DPYD: variants seen among roughly 807,000 people sequenced by gnomAD.
The protein encoded by DPYD is dihydropyrimidine dehydrogenase.
Under a neutral mutation model 116.2 loss-of-function variants are expected in DPYD, and 109 were observed. The ratio of observed to expected loss-of-function variants is 0.94; its 90% CI spans 0.80 to 1.10. The LOEUF is 1.10. Among genes scored for constraint, DPYD ranks in the 50% least tolerant of loss-of-function variants. The pLI is 0.00. For missense variants in DPYD, 1,302 were observed against 1,254.5 expected, an observed-to-expected ratio of 1.04 and a Z score of -0.57; for synonymous variants, 440 against 432.0, an observed-to-expected ratio of 1.02 and a Z score of -0.23.
chr1:97,778,575 T>C (rs966668401), intron 3 of DPYD, among the ~76,000 whole-genome samples: 14 of 152,180 alleles, frequency 9.2e-5, no homozygotes, highest in Non-Finnish European at 1.6e-4. Context: ...GTCAAAGTTA[T>C]AACTATTACA....
At chr1:97,776,168 TTTC>T (rs1365732528) in intron 3 of DPYD, among the ~76,000 whole-genome samples, 3 of 151,694 alleles carry the variant, frequency 2.0e-5, no homozygotes, top group African/African-American at 4.9e-5. Context: ...GCTGATCAAA[TTTC>T]TTTTTTCACC....
intron 14 of DPYD, among the ~76,000 whole-genome samples, chr1:97,395,729 A>G (rs1319532591): frequency 1.3e-5 from 2 of 152,008 alleles, no homozygotes; most frequent in South Asian, 2.1e-4. Context: ...ACTTGTTTTA[A>G]TCAGTAGAAC....
chr1:97,541,381 G>T (rs749637740), intron 12 of DPYD, among the ~76,000 whole-genome samples: 3 of 152,046 alleles, frequency 2.0e-5, no homozygotes, highest in African/African-American at 7.2e-5. Flanking sequence ...ATTAGGTGTT[G>T]GTCAAACCAC....
intron 12 of DPYD, chr1:97,545,737 AG>A: frequency 6.9e-7 from 1 of 1,454,132 alleles, no homozygotes; most frequent in Non-Finnish European, 9.6e-7. Flanking sequence ...CCGTGAAGAA[AG>A]GGAATTTCGT....
chr1:97,504,830 T>A (rs1343500173), intron 13 of DPYD, among the ~76,000 whole-genome samples: 1 of 150,676 alleles, frequency 6.6e-6, no homozygotes, highest in Non-Finnish European at 1.5e-5. Context: ...GCAGGTTCCC[T>A]TTGCAGGGCC....
intron 5 of DPYD, 39 bp from the exon 6 acceptor site, chr1:97,699,586 C>G (rs895039138): frequency 1.9e-6 from 3 of 1,578,918 alleles, no homozygotes; most frequent in African/African-American, 2.7e-5. Flanking sequence ...AATTTTGAAA[C>G]TAGCTTACAT....
intron 20 of DPYD, among the ~76,000 whole-genome samples, chr1:97,131,668 C>A (rs1213576789): frequency 6.6e-6 from 1 of 152,092 alleles, no homozygotes; most frequent in Non-Finnish European, 1.5e-5. Context: ...CGTCAGTCTT[C>A]ATGACCTGAT....
chr1:97,770,624 C>T (rs1323929448), intron 3 of DPYD, among the ~76,000 whole-genome samples: 5 of 151,990 alleles, frequency 3.3e-5, no homozygotes, highest in East Asian at 3.9e-4. Flanking sequence ...ACTAAGTTTG[C>T]GTAAGTGTTT....
intron 18 of DPYD, among the ~76,000 whole-genome samples, chr1:97,251,777 TA>T (rs1379921673): frequency 1.7e-4 from 26 of 152,144 alleles, no homozygotes; most frequent in African/African-American, 5.8e-4. Flanking sequence ...CTCTAAATCG[TA>T]ACTCTTGAAT....
intron 1 of DPYD, among the ~76,000 whole-genome samples, chr1:97,894,195 T>C (rs190819739): frequency 6.6e-6 from 1 of 151,888 alleles, no homozygotes; most frequent in Non-Finnish European, 1.5e-5. Context: ...AGTGTGATCA[T>C]GTTGCAGAGA....
chr1:97,801,038 A>T (rs1163493737), intron 3 of DPYD, among the ~76,000 whole-genome samples: 1 of 151,728 alleles, frequency 6.6e-6, no homozygotes, highest in Non-Finnish European at 1.5e-5. Context: ...ACCTATTCCA[A>T]TTGTTATGGA....
chr1:97,796,703 A>G (rs1319047521), intron 3 of DPYD, among the ~76,000 whole-genome samples: 1 of 152,158 alleles, frequency 6.6e-6, no homozygotes, highest in Non-Finnish European at 1.5e-5. Flanking sequence ...ATCCAGGAGT[A>G]GTGATGTGAA....
intron 13 of DPYD, among the ~76,000 whole-genome samples, chr1:97,488,572 A>C (rs573255493): frequency 2.0e-5 from 3 of 152,294 alleles, no homozygotes; most frequent in Non-Finnish European, 4.4e-5. Flanking sequence ...AGTCAGAAGA[A>C]TCATGCCTAT....
chr1:97,118,007 C>T (rs1261468175), intron 20 of DPYD, among the ~76,000 whole-genome samples: 1 of 152,108 alleles, frequency 6.6e-6, no homozygotes, highest in African/African-American at 2.4e-5. Context: ...TAATTCTCTC[C>T]TGCGTTTGAG....
At chr1:97,219,870 A>T (rs11799304) in intron 19 of DPYD, among the ~76,000 whole-genome samples, 2 of 152,114 alleles carry the variant, frequency 1.3e-5, no homozygotes, top group Admixed American at 1.3e-4. Flanking sequence ...ACTCCACAAG[A>T]TTCATCTCTG....
chr1:97,649,322 C>A (rs764468518), intron 8 of DPYD, among the ~76,000 whole-genome samples: 2 of 151,996 alleles, frequency 1.3e-5, no homozygotes, highest in South Asian at 4.1e-4. Flanking sequence ...CTGGATTTAT[C>A]TGATAGCACA....
At chr1:97,300,968 A>C (rs1392059117) in intron 18 of DPYD, among the ~76,000 whole-genome samples, 1 of 152,030 alleles carries the variant, frequency 6.6e-6, no homozygotes, top group East Asian at 1.9e-4. Context: ...TCTAACTTGT[A>C]CCTTCTTTTA....
chr1:97,512,027 C>T (rs933671637), intron 13 of DPYD, among the ~76,000 whole-genome samples: 1 of 151,802 alleles, frequency 6.6e-6, no homozygotes, highest in African/African-American at 2.4e-5. Context: ...GATCAATACT[C>T]AAAACATTCA....
intron 2 of DPYD, among the ~76,000 whole-genome samples, chr1:97,879,224 C>CA (rs1323338438): frequency 6.6e-6 from 1 of 151,816 alleles, no homozygotes; most frequent in Non-Finnish European, 1.5e-5. Flanking sequence ...AATTACTTCA[C>CA]AAAAAGCATT....
Sources: gnomAD v4.1 joint callset for allele counts (sites outside exome capture counted in the v4.1 genomes callset) on GRCh38, gnomAD v4.1.1 for gene constraint, MANE v1.5 for transcripts, NCBI Gene and HGNC (gene_info 2026-07-23, HGNC 2026-07-21) for gene names.